The following TSPAN5 variants were observed in gnomAD, a reference collection of about 807,000 sequenced individuals.
TSPAN5 encodes tetraspanin 5.
In TSPAN5, 10 loss-of-function variants were observed where a neutral mutation model predicts 37.1. The observed-to-expected ratio is 0.27, with a 90% CI of 0.17 to 0.46. TSPAN5 has a LOEUF of 0.46. TSPAN5 is among the 20% of genes least tolerant of loss of function. The probability of loss-of-function intolerance (pLI) is 1.00; values close to 1 mark genes in which losing one functional copy is unlikely to be tolerated. For missense variants in TSPAN5, 195 were observed against 326.6 expected (o/e 0.60, Z 3.11); for synonymous variants, 110 against 118.9 (o/e 0.93, Z 0.48).
At chr4:98,608,645 C>T (rs1756099093) in intron 1 of TSPAN5, among the ~76,000 whole-genome samples, 1 of 152,054 alleles carries the variant, frequency 6.6e-6, no homozygotes, top group Non-Finnish European at 1.5e-5. Flanking sequence ...AGGCAGCATG[C>T]TTCTCTCCAG....
intron 1 of TSPAN5, among the ~76,000 whole-genome samples, chr4:98,605,618 A>G (rs1464856487): frequency 6.6e-6 from 1 of 152,208 alleles, no homozygotes; most frequent in African/African-American, 2.4e-5. Flanking sequence ...AATTTAAAAT[A>G]CCCAGTTTAT....
intron 1 of TSPAN5, among the ~76,000 whole-genome samples, chr4:98,510,322 G>C (rs1753576670): frequency 6.6e-6 from 1 of 152,136 alleles, no homozygotes; most frequent in Admixed American, 6.5e-5. Context: ...ATAAAAAGTT[G>C]AGGCATTCAG....
chr4:98,509,705 A>G (rs1008801158), intron 1 of TSPAN5: 7 of 152,206 alleles, frequency 4.6e-5, no homozygotes, highest in African/African-American at 1.7e-4. Context: ...TTTACATTTC[A>G]GATCCAAAAC....
chr4:98,518,787 C>G (rs982533928), intron 1 of TSPAN5, among the ~76,000 whole-genome samples: 1 of 152,180 alleles, frequency 6.6e-6, no homozygotes, highest in Non-Finnish European at 1.5e-5. Context: ...ATCAGAAACT[C>G]TGGGGGCAGG....
intron 1 of TSPAN5, among the ~76,000 whole-genome samples, chr4:98,598,104 G>A: frequency 9.5e-6 from 1 of 105,358 alleles, no homozygotes; most frequent in South Asian, 3.7e-4. Flanking sequence ...GTGGGCGTAG[G>A]ACCCTCTGAG....
At chr4:98,654,914 T>C (rs572441654) in intron 1 of TSPAN5, among the ~76,000 whole-genome samples, 2 of 152,332 alleles carry the variant, frequency 1.3e-5, no homozygotes, top group East Asian at 3.9e-4. Flanking sequence ...TGGTGTGATC[T>C]TGCCTCACTG....
intron 1 of TSPAN5, among the ~76,000 whole-genome samples, chr4:98,649,928 T>C (rs1336723880): frequency 2.0e-5 from 3 of 152,190 alleles, no homozygotes; most frequent in South Asian, 2.1e-4. Flanking sequence ...AAACAGTATA[T>C]GTAGACCTAA....
intron 2 of TSPAN5, among the ~76,000 whole-genome samples, chr4:98,491,038 G>A (rs1001106380): frequency 6.6e-6 from 1 of 151,938 alleles, no homozygotes; most frequent in East Asian, 1.9e-4. Context: ...CTCCAGCCTG[G>A]GTGACAAAGC....
chr4:98,584,588 T>C (rs1253413675), intron 1 of TSPAN5, among the ~76,000 whole-genome samples: 1 of 152,232 alleles, frequency 6.6e-6, no homozygotes, highest in East Asian at 1.9e-4. Flanking sequence ...ATGTAGACTT[T>C]CCAGTTCAAA....
intron 1 of TSPAN5, among the ~76,000 whole-genome samples, chr4:98,577,377 T>C (rs1266821364): frequency 1.3e-5 from 2 of 152,154 alleles, no homozygotes; most frequent in Non-Finnish European, 2.9e-5. Flanking sequence ...AGAATCTTTA[T>C]TGTTTCCCCC....
chr4:98,572,961 T>C (rs1372404771), intron 1 of TSPAN5, among the ~76,000 whole-genome samples: 3 of 152,198 alleles, frequency 2.0e-5, no homozygotes, highest in Non-Finnish European at 4.4e-5. Context: ...TCACCATCTG[T>C]CTCTAAGTCC....
intron 1 of TSPAN5, among the ~76,000 whole-genome samples, chr4:98,526,829 T>C (rs934091824): frequency 6.6e-6 from 1 of 152,120 alleles, no homozygotes; most frequent in South Asian, 2.1e-4. Flanking sequence ...CTCAATGAAA[T>C]GGAATAGAAT....
At chr4:98,500,482 A>G (rs1267173789) in intron 2 of TSPAN5, among the ~76,000 whole-genome samples, 1 of 152,128 alleles carries the variant, frequency 6.6e-6, no homozygotes, top group Admixed American at 6.5e-5. Flanking sequence ...TTTCCTTCCA[A>G]TCACCCCTAG....
chr4:98,547,552 ACT>A (rs1396156386), intron 1 of TSPAN5, among the ~76,000 whole-genome samples: 1 of 152,048 alleles, frequency 6.6e-6, no homozygotes, highest in Non-Finnish European at 1.5e-5. Context: ...AAGTGGCATC[ACT>A]CTTTTAGCTC....
chr4:98,627,004 CA>C (rs1271125088), intron 1 of TSPAN5, among the ~76,000 whole-genome samples: 6 of 150,522 alleles, frequency 4.0e-5, no homozygotes, highest in African/African-American at 1.2e-4. Context: ...ATCAATGCTC[CA>C]AAAAAGGGTA....
chr4:98,472,608 G>A (rs1244677913), intron 7 of TSPAN5, 21 bp from the exon 8 acceptor site: 4 of 1,603,124 alleles, frequency 2.5e-6, no homozygotes, highest in Non-Finnish European at 3.4e-6. Context: ...AAGAAAATGT[G>A]AGTGAAACAG....
At chr4:98,498,099 A>G (rs545623518) in intron 2 of TSPAN5, among the ~76,000 whole-genome samples, 1 of 152,254 alleles carries the variant, frequency 6.6e-6, no homozygotes, top group East Asian at 1.9e-4. Context: ...TAAAAGCAGC[A>G]CCAAAAGAAC....
At chr4:98,595,988 C>G (rs1475062157) in intron 1 of TSPAN5, among the ~76,000 whole-genome samples, 66 of 4,610 alleles carry the variant, frequency 0.014, 10 homozygotes, top group Admixed American at 0.1. Flanking sequence ...TCCTGGGTAT[C>G]CTTGTTGACT....
At chr4:98,651,593 G>C (rs979265124) in intron 1 of TSPAN5, among the ~76,000 whole-genome samples, 5 of 152,058 alleles carry the variant, frequency 3.3e-5, no homozygotes, top group African/African-American at 1.2e-4. Context: ...GATAAAAACA[G>C]GTTCTCTATA....
Sources: allele counts gnomAD v4.1 joint callset (sites outside exome capture counted in the v4.1 genomes callset), GRCh38; gene constraint gnomAD v4.1.1; transcripts MANE v1.5; gene names NCBI Gene and HGNC (gene_info 2026-07-23, HGNC 2026-07-21).